SLC22A8: variants seen among roughly 807,000 people sequenced by gnomAD.
SLC22A8 encodes the protein solute carrier family 22 member 8, also known as organic anion transporter 3.
In SLC22A8, 40 loss-of-function variants were observed where a neutral mutation model predicts 48.4. The observed-to-expected ratio is 0.83, with a 90% confidence interval of 0.64 to 1.08. The LOEUF is 1.08. Among genes scored for constraint, SLC22A8 ranks in the 50% least tolerant of loss-of-function variants. The probability of loss-of-function intolerance (pLI) is 0.00; values close to 1 mark genes in which losing one functional copy is unlikely to be tolerated. For synonymous variants in SLC22A8, 268 were observed against 286.3 expected (o/e 0.94, Z 0.65); for missense variants, 606 against 699.0 (o/e 0.87, Z 1.50).
At chr11:63,014,439 C>CT (rs2086651397) in intron 2 of SLC22A8, 187 bp downstream of exon 2, 1 of 515,192 alleles carries the variant, frequency 1.9e-6, no homozygotes, top group African/African-American at 1.9e-5. Flanking sequence ...TGCTTGGACT[C>CT]TGAGTGGGAA....
intron 5 of SLC22A8, 88 bp downstream of exon 5, chr11:62,998,833 C>T: frequency 1.6e-6 from 2 of 1,228,210 alleles, no homozygotes; most frequent in South Asian, 1.4e-5. Context: ...CCCGGGGACA[C>T]AGAGTTGGCC....
In SLC22A8 at chr11:62,998,935, G is replaced by A; in HGVS notation, c.747C>T (p.Phe249=). 6.2e-7 allele frequency: 1 copy of A among 1,610,318 alleles called. No homozygotes were observed. Among genetic ancestry groups the A allele is most frequent in the Non-Finnish European group, 8.5e-7 (1 of 1,176,942 alleles). ...GGGCCACATACCAGGATGATAGGAA[G>A]AAGACGAAGAAGGGAATGGACACAG... ...QLTVSIPFFV[F]FLSSWWTPES... Residue 249 remains phenylalanine (F), a synonymous_variant, in exon 5 of 11, where the codon TTC becomes TTT. Transcript: ENST00000336232.
At position 63,014,908 on chromosome 11, in the gene SLC22A8, C is replaced by G. The variant is rs11568494; in HGVS notation, c.51G>C (p.Gln17His). 6.3e-7 allele frequency: 1 copy of G among 1,584,410 alleles called. No homozygotes were observed. The highest frequency in any genetic ancestry group is 2.2e-5 in the East Asian group (1 of 44,480). ...LDRVGSMGHF[Q>H]FLHVAILGLP... ...GGCCCAGTATGGCTACATGCAGGAA[C>G]TGGAAATGGCCCATGCTTCCCACAC... Residue 17 changes from glutamine (Q) to histidine (H), a missense_variant, in exon 2 of 11, where the codon CAG becomes CAC. Coordinates refer to ENST00000336232, the MANE Select transcript of SLC22A8 (RefSeq NM_004254.4).
chr11:63,005,419 T>A (rs2086543177), intron 2 of SLC22A8, among the ~76,000 whole-genome samples: 1 of 152,234 alleles, frequency 6.6e-6, no homozygotes, highest in African/African-American at 2.4e-5. Flanking sequence ...TTGGTTCATT[T>A]CAAGACAGAG....
chr11:63,009,905 G>T (rs2086598860), intron 2 of SLC22A8, among the ~76,000 whole-genome samples: 1 of 152,196 alleles, frequency 6.6e-6, no homozygotes, highest in African/African-American at 2.4e-5. Flanking sequence ...TGTGGGGGAG[G>T]AGCTGGATCT....
chr11:63,008,828 A>G (rs1373023531), intron 2 of SLC22A8, among the ~76,000 whole-genome samples: 2 of 152,130 alleles, frequency 1.3e-5, no homozygotes, highest in African/African-American at 4.8e-5. Flanking sequence ...TGGGAAGGCC[A>G]CCTTCTGGAT....
At chr11:62,996,210 G>A in intron 5 of SLC22A8, 58 bp from the exon 6 acceptor site, 1 of 1,522,060 alleles carries the variant, frequency 6.6e-7, no homozygotes, top group Non-Finnish European at 8.8e-7. Context: ...CTTTTGAGAG[G>A]CTGGAAGAAC....
At chr11:63,005,755 G>A (rs551680977) in intron 2 of SLC22A8, among the ~76,000 whole-genome samples, 4 of 152,288 alleles carry the variant, frequency 2.6e-5, no homozygotes, top group Non-Finnish European at 5.9e-5. Flanking sequence ...GCTGGCAGAG[G>A]CAAGGAAGGA....
rs557989917 is a variant in SLC22A8 at position 63,003,957 on chromosome 11, G to A, written c.334-3134C>T. On this transcript the variant is annotated intron_variant, in intron 2 of 10. Coordinates refer to ENST00000336232, the MANE Select transcript of SLC22A8 (RefSeq NM_004254.4). ...AATATTTTTCGAGCCATGAATTATTGTTGTTATAATAACCTAGCCTATCCT... is the reference window on the plus strand; with the variant it reads ...AATATTTTTCGAGCCATGAATTATTATTGTTATAATAACCTAGCCTATCCT... 3.9e-5 allele frequency among the ~76,000 whole-genome samples: 6 copies of A among 152,312 alleles called. No individual in the cohort carries two copies. In the South Asian group the frequency reaches 1.0e-3, roughly 26 times the overall value.
Position 62,994,750 on chromosome 11 carries a change from A to G in SLC22A8, c.1008T>C (p.Ala336=). ...MTFCLSLAWF[A]TGFAYYSLAM... ...CCAAACTATAGTAGGCAAAACCGGT[A>G]GCAAACCTGAGAGGCAGAGAAGGAT... The change falls in exon 8 of 11, where the codon GCT becomes GCC. Residue 336 remains alanine, a synonymous_variant. Coordinates refer to ENST00000336232, the MANE Select transcript of SLC22A8 (RefSeq NM_004254.4). 6.2e-7 allele frequency: 1 copy of G among 1,614,138 alleles called. No individual in the cohort carries two copies. The highest frequency in any genetic ancestry group is 8.5e-7 in the Non-Finnish European group (1 of 1,179,924).
intron 2 of SLC22A8, among the ~76,000 whole-genome samples, chr11:63,014,211 A>T (rs1314119423): frequency 6.6e-6 from 1 of 151,866 alleles, no homozygotes; most frequent in East Asian, 1.9e-4. Context: ...CCCATTCCCC[A>T]CGCCCTCACT....
intron 9 of SLC22A8, 51 bp from the exon 10 acceptor site, chr11:62,993,678 G>C (rs367866118): frequency 1.8e-5 from 28 of 1,599,076 alleles, no homozygotes; most frequent in Non-Finnish European, 2.1e-5. Context: ...GGTTCATAAA[G>C]GATGGCTCCC....
Position 62,994,719 on chromosome 11 carries a change from C to G in SLC22A8, c.1039G>C (p.Gly347Arg), listed in dbSNP as rs752034751. 5 of 1,614,094 alleles carry G rather than the reference C, an allele frequency of 3.1e-6. No homozygotes were observed. The African/African-American group carries it at 6.7e-5, about 22-fold the overall frequency. Reference sequence around the variant, plus strand: ...AGGTTGACTCCAAATTCTTCCACACCCATAGCCAAACTATAGTAGGCAAAA... The same window carrying G: ...AGGTTGACTCCAAATTCTTCCACACGCATAGCCAAACTATAGTAGGCAAAA... ...TGFAYYSLAM[G>R]VEEFGVNLYI... is the part of the protein sequence containing the mutation. Residue 347 changes from glycine to arginine, a missense_variant, in exon 8 of 11, where the codon GGT (glycine) becomes CGT (arginine). Physicochemically the swap from Gly to Arg is moderately radical, Grantham distance 125 (BLOSUM62 -2). Transcript: ENST00000336232.
chr11:62,995,689 G>T lies in SLC22A8; in HGVS notation c.1001+15C>A. On this transcript the variant is annotated intron_variant, in intron 7 of 10. Transcript: ENST00000336232. ...CCCTTCCTTGGCAGGGTGTGGGCAG[G>T]GAGAGGGGGGTTACCAGGCCAGGGA... 6 of 1,591,472 alleles carry T rather than the reference G, an allele frequency of 3.8e-6. No individual in the cohort carries two copies. Among genetic ancestry groups the T allele is most frequent in the Non-Finnish European group, 5.2e-6 (6 of 1,159,402 alleles).
intron 2 of SLC22A8, among the ~76,000 whole-genome samples, chr11:63,009,434 C>T (rs2086592836): frequency 6.6e-6 from 1 of 152,076 alleles, no homozygotes; most frequent in Admixed American, 6.5e-5. Flanking sequence ...GCTCAAGGCC[C>T]AGAGACGAAG....
At chr11:62,998,778 G>A in intron 5 of SLC22A8, 143 bp downstream of exon 5, 1 of 657,032 alleles carries the variant, frequency 1.5e-6, no homozygotes. Context: ...TGTTTATGTA[G>A]TTCCTCCTCC....
Position 62,993,027 on chromosome 11 carries a change from G to C in SLC22A8, c.*210C>G. 1.7e-6 allele frequency: 1 copy of C among 584,668 alleles called. No homozygotes were observed. The highest frequency in any genetic ancestry group is 1.9e-5 in the African/African-American group (1 of 53,738). 36.2% of individuals were successfully genotyped at this position (584,668 alleles called of 1,614,324 possible). A position where few individuals can be genotyped will look rare whatever the true frequency, so the allele number is the denominator to read the frequency against. On this transcript the variant is annotated 3_prime_UTR_variant, in exon 11 of 11. Transcript: ENST00000336232. The stretch of plus-strand genomic sequence containing the variant: ...TAGACAGAAGAATGGCAGGGCCTGG[G>C]TTGCAGGGAGAACAAGGGCAGGGAT...
In SLC22A8 at chr11:62,995,712, G is replaced by A. The variant is rs780929628; in HGVS notation, c.993C>T (p.Ser331=). 3.1e-6 allele frequency: 5 copies of A among 1,613,492 alleles called. No homozygotes were observed. The highest frequency in any genetic ancestry group is 2.2e-5 in the South Asian group (2 of 91,072). The change falls in exon 7 of 11, where the codon TCC becomes TCT. Residue 331 remains serine (S), a synonymous_variant. Transcript: ENST00000336232. ...PMLRRMTFCL[S]LAWFATGFAY... ...AGGGAGAGGGGGGTTACCAGGCCAG[G>A]GAAAGACAGAAGGTCATGCGGCGCA...
intron 2 of SLC22A8, among the ~76,000 whole-genome samples, chr11:63,008,172 C>T (rs2086577899): frequency 6.6e-6 from 1 of 152,196 alleles, no homozygotes; most frequent in South Asian, 2.1e-4. Context: ...GTGTGAGCAG[C>T]AAGAAGTGAG....
Sources: gnomAD v4.1 joint callset for allele counts (sites outside exome capture counted in the v4.1 genomes callset) on GRCh38, gnomAD v4.1.1 for gene constraint, MANE v1.5 for transcripts, NCBI Gene and HGNC (gene_info 2026-07-23, HGNC 2026-07-21) for gene names.